Variants in CCDC149 observed in about 807,000 individuals in gnomAD.
The protein encoded by CCDC149 is coiled-coil domain containing 149, also known as coiled-coil domain-containing protein 149.
CCDC149 carries 45 observed loss-of-function variants against 59.9 expected under a neutral mutation model. The ratio of observed to expected loss-of-function variants is 0.75; its 90% CI spans 0.59 to 0.96. The LOEUF (loss-of-function observed/expected upper bound fraction) is 0.96, where lower values mean the gene tolerates loss of function less well. Among genes scored for constraint, CCDC149 ranks in the 40% least tolerant of loss-of-function variants. The pLI, the probability that CCDC149 is intolerant of heterozygous loss-of-function variation, is 0.00. For synonymous variants in CCDC149, 245 were observed against 260.6 expected (o/e 0.94, Z 0.58); for missense variants, 584 against 664.7 (o/e 0.88, Z 1.33).
intron 3 of CCDC149, among the ~76,000 whole-genome samples, chr4:24,871,006 C>T (rs1719006784): frequency 6.7e-6 from 1 of 148,242 alleles, no homozygotes; most frequent in African/African-American, 2.5e-5. Context: ...GATAGCGCCA[C>T]CGCACTCCAG....
At chr4:24,958,545 C>A (rs1577506552) in intron 1 of CCDC149, among the ~76,000 whole-genome samples, 1 of 152,052 alleles carries the variant, frequency 6.6e-6, no homozygotes, top group Admixed American at 6.6e-5. Flanking sequence ...TTGACAAGGA[C>A]GTTAAAAGTC....
intron 3 of CCDC149, among the ~76,000 whole-genome samples, chr4:24,856,258 A>C (rs943169877): frequency 6.6e-6 from 1 of 152,242 alleles, no homozygotes; most frequent in Non-Finnish European, 1.5e-5. Flanking sequence ...GGCACCTGGC[A>C]TCTGCCTGGC....
chr4:24,944,797 C>G (rs912295619), intron 1 of CCDC149, among the ~76,000 whole-genome samples: 12 of 152,090 alleles, frequency 7.9e-5, no homozygotes, highest in African/African-American at 1.2e-4. Flanking sequence ...TATGCAATGA[C>G]TTGTTTTCTG....
intron 1 of CCDC149, among the ~76,000 whole-genome samples, chr4:24,883,259 T>C (rs1274902904): frequency 6.6e-6 from 1 of 151,964 alleles, no homozygotes; most frequent in East Asian, 1.9e-4. Flanking sequence ...GTGTATCCCC[T>C]GCAGTAAGGG....
intron 1 of CCDC149, among the ~76,000 whole-genome samples, chr4:24,883,812 C>A (rs979190633): frequency 6.6e-6 from 1 of 152,194 alleles, no homozygotes; most frequent in Non-Finnish European, 1.5e-5. Context: ...GGGACAAGAA[C>A]CGCTTTCCCC....
intron 1 of CCDC149, among the ~76,000 whole-genome samples, chr4:24,945,687 T>C (rs1723089099): frequency 6.6e-6 from 1 of 150,934 alleles, no homozygotes; most frequent in Non-Finnish European, 1.5e-5. Flanking sequence ...AGTGGTGCAA[T>C]CTCAGCTTAC....
chr4:24,919,393 A>G lies in CCDC149; in HGVS notation c.-64-24275T>C, dbSNP rs147333182. 5.4e-4 allele frequency among the ~76,000 whole-genome samples: 83 copies of G among 152,366 alleles called. 1 individual carries two copies. In the East Asian group the frequency reaches 0.015, roughly 27 times the overall value. On this transcript the variant is annotated intron_variant, in intron 1 of 12. Coordinates refer to the CCDC149 transcript ENST00000389609. ...GATGTGAGACACAAAAAGCCTTTTC[A>G]GCAACTGGAAATGAACCGTAAAACT...
At chr4:24,854,585 C>T (rs1004525627) in intron 3 of CCDC149, among the ~76,000 whole-genome samples, 11 of 152,198 alleles carry the variant, frequency 7.2e-5, no homozygotes, top group African/African-American at 2.4e-4. Flanking sequence ...GGTTAGGGAA[C>T]TAACCCGACT....
At chr4:24,831,261 C>T in intron 9 of CCDC149, 1 of 451,048 alleles carries the variant, frequency 2.2e-6, no homozygotes, top group Non-Finnish European at 4.0e-6. Context: ...ATACATACTA[C>T]TCAGTGTGTA....
intron 1 of CCDC149, among the ~76,000 whole-genome samples, chr4:24,881,337 TG>T (rs1719831598): frequency 6.6e-6 from 1 of 152,032 alleles, no homozygotes; most frequent in Non-Finnish European, 1.5e-5. Context: ...CCCGATAAAA[TG>T]GGATTGGAAG....
intron 1 of CCDC149, among the ~76,000 whole-genome samples, chr4:24,882,298 TG>T (rs1306947159): frequency 1.3e-5 from 2 of 152,124 alleles, no homozygotes; most frequent in Non-Finnish European, 2.9e-5. Context: ...TTCTAAGAAA[TG>T]GGACAAACTA....
upstream of CCDC149, among the ~76,000 whole-genome samples, chr4:24,917,893 G>A (rs1296448770): frequency 6.6e-6 from 1 of 152,096 alleles, no homozygotes; most frequent in African/African-American, 2.4e-5. Context: ...AGCAGGGCCC[G>A]TGCTGCTGAC....
At chr4:24,883,711 A>G (rs1719985353) in intron 1 of CCDC149, among the ~76,000 whole-genome samples, 1 of 152,206 alleles carries the variant, frequency 6.6e-6, no homozygotes, top group Non-Finnish European at 1.5e-5. Flanking sequence ...TAAACTTAAA[A>G]AAGATTGAAC....
At chr4:24,936,579 C>A (rs1722783986) in intron 1 of CCDC149, among the ~76,000 whole-genome samples, 1 of 152,188 alleles carries the variant, frequency 6.6e-6, no homozygotes, top group South Asian at 2.1e-4. Flanking sequence ...AAAATCTCCT[C>A]TTTCCGCTTT....
chr4:24,963,055 A>G (rs941257280), intron 1 of CCDC149, among the ~76,000 whole-genome samples: 6 of 152,150 alleles, frequency 3.9e-5, no homozygotes, highest in African/African-American at 1.4e-4. Flanking sequence ...TAACACCTGA[A>G]AACCTTGTGG....
intron 9 of CCDC149, chr4:24,827,660 C>A (rs1289965997): frequency 6.6e-6 from 1 of 152,230 alleles, no homozygotes; most frequent in Non-Finnish European, 1.5e-5. Flanking sequence ...TGCCAACTTG[C>A]TGGCAAGAAG....
intron 9 of CCDC149, chr4:24,828,872 T>G (rs1715938722): frequency 6.6e-6 from 1 of 152,160 alleles, no homozygotes; most frequent in Non-Finnish European, 1.5e-5. Context: ...ATAAACATGG[T>G]CAAATGAAAA....
At chr4:24,811,994 G>A (rs1335363443) in intron 12 of CCDC149, among the ~76,000 whole-genome samples, 1 of 152,074 alleles carries the variant, frequency 6.6e-6, no homozygotes, top group East Asian at 1.9e-4. Context: ...TCCTTGGTTT[G>A]TGGCTGCATC....
Position 24,838,282 on chromosome 4 carries a change from C to T in CCDC149, c.373-10G>A. On this transcript the variant is annotated splice_polypyrimidine_tract_variant and intron_variant, in intron 4 of 12. Coordinates refer to ENST00000635206, the MANE Select transcript of CCDC149 (RefSeq NM_001330643.2). ...TCGTCATCCTCAAGAGCTGCATTTT[C>T]CATTGGTAGAAAAAGAAAAAGGCAC... 6.2e-7 allele frequency: 1 copy of T among 1,604,602 alleles called. No individual in the cohort carries two copies. The highest frequency in any genetic ancestry group is 8.5e-7 in the Non-Finnish European group (1 of 1,171,408).
Sources: gnomAD v4.1 joint callset for allele counts (sites outside exome capture counted in the v4.1 genomes callset) on GRCh38, gnomAD v4.1.1 for gene constraint, MANE v1.5 for transcripts, NCBI Gene and HGNC (gene_info 2026-07-23, HGNC 2026-07-21) for gene names.